USP45: variants seen among roughly 807,000 people sequenced by gnomAD.
USP45 encodes the protein ubiquitin specific peptidase 45.
A neutral mutation model predicts 95.8 loss-of-function variants in USP45; 89 were observed. The observed-to-expected ratio is 0.93, with a 90% CI of 0.78 to 1.11. The LOEUF is 1.11. USP45 is among the 50% of genes least tolerant of loss of function. USP45 has a pLI of 0.00. For synonymous variants in USP45, 281 were observed against 316.2 expected, an observed-to-expected ratio of 0.89 and a Z score of 1.18; for missense variants, 898 against 942.5, an observed-to-expected ratio of 0.95 and a Z score of 0.62.
In USP45 at chr6:99,482,760, A is replaced by G; in HGVS notation, c.838T>C (p.Cys280Arg). The stretch of plus-strand genomic sequence containing the variant: ...AAATGTAGATGCACCCACTTCTGAC[A>G]AAGCTGATTAAAAAGAACTTTAGGA... ...LSPKVLFNQL[C>R]QKAPRFKDFQ... is the part of the protein sequence containing the mutation. The change falls in exon 8 of 18, where the codon TGT becomes CGT. Residue 280 changes from cysteine to arginine, a missense_variant. Cys to Arg is a radical substitution (Grantham distance 180, BLOSUM62 -3). Coordinates refer to ENST00000500704, the MANE Select transcript of USP45 (RefSeq NM_001346022.3). 6.3e-7 allele frequency: 1 copy of G among 1,599,674 alleles called. No individual in the cohort carries two copies. The highest frequency in any genetic ancestry group is 8.5e-7 in the Non-Finnish European group (1 of 1,173,788).
chr6:99,461,116 AT>A (rs1243530616), intron 13 of USP45: 5 of 984,522 alleles, frequency 5.1e-6, no homozygotes, highest in African/African-American at 3.5e-5. Flanking sequence ...TAAAAAAAAA[AT>A]CTTTCATAAA....
chr6:99,483,801 G>A (rs369226807), intron 7 of USP45, among the ~76,000 whole-genome samples: 2 of 115,392 alleles, frequency 1.7e-5, no homozygotes, highest in East Asian at 5.3e-4. Context: ...TTGCGCCACT[G>A]CAGTCCGCAG....
chr6:99,504,406 T>C (rs1193533385), intron 4 of USP45, among the ~76,000 whole-genome samples: 4 of 152,114 alleles, frequency 2.6e-5, no homozygotes, highest in Non-Finnish European at 4.4e-5. Context: ...TCCCAAAGTA[T>C]TGGGATTACC....
rs572842825 is a variant in USP45 at position 99,492,361 on chromosome 6, G to C, written c.479-3541C>G. Among the ~76,000 whole-genome samples, 5 of 148,888 alleles carry C rather than the reference G, an allele frequency of 3.4e-5. No homozygotes were observed. In the South Asian group the frequency reaches 8.8e-4, roughly 26 times the overall value. ...ACCCACAGGGCAGTGGCAATAAAAA[G>C]AGTTTATTTCATGGTTAAATAGCCA... On this transcript the variant is annotated intron_variant, in intron 5 of 17. Coordinates refer to ENST00000500704, the MANE Select transcript of USP45 (RefSeq NM_001346022.3).
At chr6:99,481,814 T>C (rs1792502031) in intron 8 of USP45, among the ~76,000 whole-genome samples, 1 of 152,166 alleles carries the variant, frequency 6.6e-6, no homozygotes, top group Admixed American at 6.5e-5. Context: ...GGCCTCCAGC[T>C]GCATCCATGT....
rs377174875 is a variant in USP45 at position 99,437,227 on chromosome 6, T to C, written c.2314+19A>G. ...TATTCGTTTGTTTTTAAGAATAAAA[T>C]AAACTTAGGATGGCATACCAGGCAC... On this transcript the variant is annotated intron_variant, in intron 17 of 17. Transcript: ENST00000500704. The C allele has an allele frequency of 2.2e-5, 35 of 1,588,252 alleles. No individual in the cohort carries two copies. The African/African-American group carries it at 4.6e-4, about 21-fold the overall frequency.
At chr6:99,455,817 G>A (rs1274574271) in intron 13 of USP45, among the ~76,000 whole-genome samples, 2 of 75,254 alleles carry the variant, frequency 2.7e-5, no homozygotes, top group Non-Finnish European at 4.8e-5. Flanking sequence ...TTATGTGAGA[G>A]CTAAAAAAAA....
chr6:99,449,573 C>G (rs1346560715), intron 13 of USP45, among the ~76,000 whole-genome samples: 1 of 152,092 alleles, frequency 6.6e-6, no homozygotes, highest in African/African-American at 2.4e-5. Context: ...GACTCCCACA[C>G]AATAATAATG....
At chr6:99,461,410 C>G in intron 13 of USP45, 5 of 985,304 alleles carry the variant, frequency 5.1e-6, no homozygotes, top group Non-Finnish European at 6.0e-6. Context: ...TTATATAGGC[C>G]TATGGCTATT....
intron 1 of USP45, among the ~76,000 whole-genome samples, chr6:99,512,581 G>A (rs1049624468): frequency 6.6e-6 from 1 of 152,098 alleles, no homozygotes; most frequent in Admixed American, 6.5e-5. Flanking sequence ...CAATTTTCAT[G>A]GTTGCTGACT....
At chr6:99,470,231 A>G (rs1392635664) in intron 9 of USP45, among the ~76,000 whole-genome samples, 3 of 152,224 alleles carry the variant, frequency 2.0e-5, no homozygotes, top group Admixed American at 1.3e-4. Flanking sequence ...ACACAATATT[A>G]TATGGAGAAG....
chr6:99,507,440 G>C lies in USP45; in HGVS notation c.365C>G (p.Thr122Arg). Residue 122 changes from threonine (T) to arginine (R), a missense_variant, in exon 4 of 18, where the codon ACA becomes AGA. Coordinates refer to ENST00000500704, the MANE Select transcript of USP45 (RefSeq NM_001346022.3). ...AAATTTAACTTACCATATAATCCAT[G>C]TGCTCAGATTAATTATAATACAATG... ...EPHCIIINLS[T>R]WIIWCYECDE... The C allele has an allele frequency of 6.2e-7, 1 of 1,601,354 alleles. No individual in the cohort carries two copies. The highest frequency in any genetic ancestry group is 8.5e-7 in the Non-Finnish European group (1 of 1,171,856).
rs552712147 is a variant in USP45 at position 99,511,341 on chromosome 6, G to T, written c.-10-1111C>A. 3.2e-3 allele frequency among the ~76,000 whole-genome samples: 492 copies of T among 151,646 alleles called. 3 individuals are homozygous for T. The highest frequency in any genetic ancestry group is 6.8e-3 in the Middle Eastern group (2 of 292). On this transcript the variant is annotated intron_variant, in intron 1 of 17. Coordinates refer to ENST00000500704, the MANE Select transcript of USP45 (RefSeq NM_001346022.3). ...TAATTTTTTTTGCATTTTTAGTAGA[G>T]ATAGGGTTTCACTGTGTTAGTCAGA... is the stretch of plus-strand genomic sequence containing the variant.
At chr6:99,504,943 GC>G (rs1370978953) in intron 4 of USP45, among the ~76,000 whole-genome samples, 1 of 152,134 alleles carries the variant, frequency 6.6e-6, no homozygotes, top group Non-Finnish European at 1.5e-5. Flanking sequence ...AACAAGACTT[GC>G]TGTGAGTTGA....
At chr6:99,447,428 A>G (rs1583002321) in intron 13 of USP45, among the ~76,000 whole-genome samples, 1 of 152,354 alleles carries the variant, frequency 6.6e-6, no homozygotes, top group East Asian at 1.9e-4. Flanking sequence ...CAAAATCAGG[A>G]AAAATAACAT....
intron 3 of USP45, 41 bp from the exon 4 acceptor site, chr6:99,507,572 G>T: frequency 7.4e-7 from 1 of 1,355,092 alleles, no homozygotes; most frequent in Non-Finnish European, 1.0e-6. Context: ...ACTTACAAAT[G>T]TTTGTTTCAA....
intron 5 of USP45, among the ~76,000 whole-genome samples, chr6:99,494,072 A>G (rs750340289): frequency 4.6e-5 from 7 of 152,314 alleles, no homozygotes; most frequent in Admixed American, 1.3e-4. Flanking sequence ...TTGTTCTCCT[A>G]AAGTTTTACC....
intron 5 of USP45, among the ~76,000 whole-genome samples, chr6:99,495,125 A>T (rs1796025435): frequency 6.6e-6 from 1 of 152,218 alleles, no homozygotes; most frequent in Non-Finnish European, 1.5e-5. Flanking sequence ...AATTATGGGC[A>T]CTATTGTCAA....
intron 5 of USP45, among the ~76,000 whole-genome samples, chr6:99,498,506 C>CA (rs1322948402): frequency 6.6e-6 from 1 of 151,872 alleles, no homozygotes; most frequent in East Asian, 1.9e-4. Context: ...CACTGAGTGC[C>CA]AAAAAAGAGA....
Sources: allele counts gnomAD v4.1 joint callset (sites outside exome capture counted in the v4.1 genomes callset), GRCh38; gene constraint gnomAD v4.1.1; transcripts MANE v1.5; gene names NCBI Gene and HGNC (gene_info 2026-07-23, HGNC 2026-07-21).